Variants in SPACA7 observed in about 807,000 individuals in gnomAD.
The protein encoded by SPACA7 is sperm acrosome-associated protein 7.
SPACA7 carries 19 observed loss-of-function variants against 26.3 expected under a neutral mutation model. The observed-to-expected ratio is 0.72, with a 90% CI of 0.50 to 1.06. SPACA7 has a LOEUF of 1.06. Ranked by LOEUF, SPACA7 falls within the 50% of genes least tolerant of loss-of-function variation. The pLI, the probability that SPACA7 is intolerant of heterozygous loss-of-function variation, is 0.00. For synonymous variants in SPACA7, 84 were observed against 84.5 expected (o/e 0.99, Z 0.04); for missense variants, 211 against 229.9 (o/e 0.92, Z 0.53).
intron 1 of SPACA7, among the ~76,000 whole-genome samples, chr13:112,378,279 C>T (rs1244660736): frequency 6.6e-6 from 1 of 152,020 alleles, no homozygotes; most frequent in Non-Finnish European, 1.5e-5. Flanking sequence ...TGGAGTTTAT[C>T]AAAAGATAAA....
intron 5 of SPACA7, among the ~76,000 whole-genome samples, chr13:112,422,728 A>T (rs968186073): frequency 9.2e-5 from 14 of 152,212 alleles, no homozygotes; most frequent in African/African-American, 3.4e-4. Flanking sequence ...GAAATTCAAA[A>T]ATGTTTAACC....
At chr13:112,430,174 C>CTCTGTGTGTGTGTGTG (rs1366577519) in intron 5 of SPACA7, among the ~76,000 whole-genome samples, 41 of 134,316 alleles carry the variant, frequency 3.1e-4, no homozygotes, top group African/African-American at 1.1e-3. Context: ...ATCTCTCTCT[C>CTCTGTGTGTGTGTGTG]TGTGTGTGTG....
At chr13:112,431,303 C>T (rs530374175) in intron 5 of SPACA7, among the ~76,000 whole-genome samples, 6 of 152,300 alleles carry the variant, frequency 3.9e-5, no homozygotes, top group African/African-American at 1.4e-4. Context: ...TGCAACTATC[C>T]TCTCTTCCTT....
At chr13:112,390,784 C>T (rs537485862) in intron 1 of SPACA7, among the ~76,000 whole-genome samples, 1 of 152,340 alleles carries the variant, frequency 6.6e-6, no homozygotes, top group East Asian at 1.9e-4. Flanking sequence ...GATTCAGTCA[C>T]CTCCCACCAG....
rs1885470907 is a variant in SPACA7, at chr13:112,399,098, G to A, written c.274G>A (p.Gly92Ser). Residue 92 changes from glycine (G) to serine (S), a missense_variant, in exon 4 of 7, where the codon GGT becomes AGT. Transcript: ENST00000283550. ...TATTGATGAGAATTATCAAGCTGGT[G>A]GTTCTGAGAATTACCATGAATTATT... ...AGIDENYQAG[G>S]SENYHELLEN... 2 of 1,610,054 alleles carry A rather than the reference G, an allele frequency of 1.2e-6. No individual in the cohort carries two copies. Among genetic ancestry groups the A allele is most frequent in the Non-Finnish European group, 1.7e-6 (2 of 1,177,002 alleles).
intron 4 of SPACA7, 133 bp from the exon 5 acceptor site, chr13:112,400,936 C>A: frequency 1.5e-6 from 1 of 686,060 alleles, no homozygotes; most frequent in Non-Finnish European, 2.5e-6. Context: ...GTTTCCAAAA[C>A]ATATTTTCAA....
At chr13:112,377,846 G>A (rs1329487005) in intron 1 of SPACA7, among the ~76,000 whole-genome samples, 1 of 152,174 alleles carries the variant, frequency 6.6e-6, no homozygotes, top group Non-Finnish European at 1.5e-5. Context: ...CAAGTAGTCG[G>A]GAATTTAATG....
At chr13:112,378,479 G>A (rs1883836643) in intron 1 of SPACA7, among the ~76,000 whole-genome samples, 1 of 152,164 alleles carries the variant, frequency 6.6e-6, no homozygotes, top group Non-Finnish European at 1.5e-5. Context: ...AGCAAGAATG[G>A]TAATGGACCA....
intron 1 of SPACA7, among the ~76,000 whole-genome samples, chr13:112,389,431 A>G (rs900360469): frequency 6.6e-6 from 1 of 152,254 alleles, no homozygotes; most frequent in African/African-American, 2.4e-5. Flanking sequence ...ATAGCTGACA[A>G]TTCCAAAGAC....
intron 1 of SPACA7, among the ~76,000 whole-genome samples, chr13:112,379,102 C>T (rs1206670302): frequency 1.3e-5 from 2 of 152,204 alleles, no homozygotes; most frequent in Non-Finnish European, 1.5e-5. Flanking sequence ...GAAACATTTC[C>T]AAGAAAATTC....
intron 1 of SPACA7, among the ~76,000 whole-genome samples, chr13:112,379,258 G>A (rs886411880): frequency 2.0e-5 from 3 of 152,196 alleles, no homozygotes; most frequent in African/African-American, 4.8e-5. Flanking sequence ...AGAGGCGTCA[G>A]AAACCTTACT....
chr13:112,395,551 A>C (rs931921554), intron 2 of SPACA7, among the ~76,000 whole-genome samples: 40 of 151,278 alleles, frequency 2.6e-4, no homozygotes, highest in Non-Finnish European at 4.6e-4. Flanking sequence ...ACTCACTGCA[A>C]CCTCCACCTT....
At chr13:112,432,569 T>C (rs1002887584) in intron 6 of SPACA7, 48 bp downstream of exon 6, 1 of 1,424,484 alleles carries the variant, frequency 7.0e-7, no homozygotes, top group Admixed American at 1.7e-5. Context: ...GGGATTCTTT[T>C]CCTGCTCAAG....
intron 2 of SPACA7, among the ~76,000 whole-genome samples, chr13:112,394,230 G>A (rs868738373): frequency 6.6e-6 from 1 of 151,758 alleles, no homozygotes; most frequent in Non-Finnish European, 1.5e-5. Context: ...TACATGTGGG[G>A]AAACTGAGGC....
chr13:112,396,333 C>G (rs1885251408), intron 2 of SPACA7, among the ~76,000 whole-genome samples: 1 of 152,142 alleles, frequency 6.6e-6, no homozygotes, highest in African/African-American at 2.4e-5. Flanking sequence ...GACAGTGCCC[C>G]AGGAGGGCTC....
At chr13:112,401,031 G>T in intron 4 of SPACA7, 38 bp from the exon 5 acceptor site, 1 of 1,492,038 alleles carries the variant, frequency 6.7e-7, no homozygotes, top group Non-Finnish European at 9.3e-7. Flanking sequence ...GTGTAATCAA[G>T]GACATTTTCC....
At chr13:112,390,147 G>T (rs115076168) in intron 1 of SPACA7, among the ~76,000 whole-genome samples, 2,602 of 152,040 alleles carry the variant, frequency 0.017, 87 homozygotes, top group African/African-American at 0.059. Context: ...GTGGGGGGAG[G>T]AGTGGAGGCC....
intron 1 of SPACA7, among the ~76,000 whole-genome samples, chr13:112,389,658 T>TCA (rs1884747816): frequency 6.6e-6 from 1 of 152,222 alleles, no homozygotes; most frequent in African/African-American, 2.4e-5. Context: ...TAGAAAAATA[T>TCA]CACATATATG....
chr13:112,413,172 G>A (rs1357261002), intron 5 of SPACA7, among the ~76,000 whole-genome samples: 2 of 152,238 alleles, frequency 1.3e-5, no homozygotes, highest in South Asian at 2.1e-4. Context: ...TTACCATTGA[G>A]TTTCATACCT....
Sources: gnomAD v4.1 joint callset for allele counts (sites outside exome capture counted in the v4.1 genomes callset) on GRCh38, gnomAD v4.1.1 for gene constraint, MANE v1.5 for transcripts, NCBI Gene and HGNC (gene_info 2026-07-23, HGNC 2026-07-21) for gene names.